Variants in ATXN7L1 observed in about 807,000 individuals in gnomAD.
The protein encoded by ATXN7L1 is ataxin 7 like 1.
A neutral mutation model predicts 70.8 loss-of-function variants in ATXN7L1; 15 were observed. The ratio of observed to expected loss-of-function variants is 0.21; its 90% CI spans 0.14 to 0.33. The LOEUF is 0.33. Among genes scored for constraint, ATXN7L1 ranks in the 10% least tolerant of loss-of-function variants. The pLI, the probability that ATXN7L1 is intolerant of heterozygous loss-of-function variation, is 1.00. For synonymous variants in ATXN7L1, 440 were observed against 445.1 expected (o/e 0.99, Z 0.14); for missense variants, 975 against 1,097.1 (o/e 0.89, Z 1.57).
At chr7:105,824,855 C>A (rs1810636956) in intron 2 of ATXN7L1, among the ~76,000 whole-genome samples, 1 of 149,382 alleles carries the variant, frequency 6.7e-6, no homozygotes, top group Non-Finnish European at 1.5e-5. Flanking sequence ...GCAGGGCTTG[C>A]AGTGAGCTGA....
At position 105,665,248 on chromosome 7, in the gene ATXN7L1, T is replaced by C. The variant is rs1221316638; in HGVS notation, c.396A>G (p.Pro132=). ...TCCTGGGATTGGAGGCTGGAGACACTGGAGAGGGAGAAGGTCTACACATTG... is the reference window on the plus strand; with the variant it reads ...TCCTGGGATTGGAGGCTGGAGACACCGGAGAGGGAGAAGGTCTACACATTG... ...HGSMCRPSPS[P]VSPASNPRTS... The change falls in exon 4 of 12, where the codon CCA becomes CCG. Residue 132 remains proline, a synonymous_variant. Coordinates refer to ENST00000419735, the MANE Select transcript of ATXN7L1 (RefSeq NM_020725.2). 3.2e-6 allele frequency: 5 copies of C among 1,551,472 alleles called. No individual in the cohort carries two copies. The highest frequency in any genetic ancestry group is 4.4e-6 in the Non-Finnish European group (5 of 1,146,984).
chr7:105,865,726 G>C (rs998467683), intron 2 of ATXN7L1, among the ~76,000 whole-genome samples: 2 of 152,006 alleles, frequency 1.3e-5, no homozygotes, highest in African/African-American at 4.8e-5. Flanking sequence ...TTATGTGTAC[G>C]GTTAGTTCTG....
In ATXN7L1 at chr7:105,703,323, A is replaced by C. The variant is rs571813415; in HGVS notation, c.356-38035T>G. 3.0e-4 allele frequency among the ~76,000 whole-genome samples: 44 copies of C among 147,170 alleles called. 1 individual carries two copies. Among genetic ancestry groups the C allele is most frequent in the Non-Finnish European group, 5.5e-4 (37 of 67,148 alleles). Reference sequence around the variant, plus strand: ...TCCGTCTCAAAAAAAAAAAAAAAGCACTTAAGTATAACTTGTATTTTATTG... The same window carrying C: ...TCCGTCTCAAAAAAAAAAAAAAAGCCCTTAAGTATAACTTGTATTTTATTG... On this transcript the variant is annotated intron_variant, in intron 3 of 11. Transcript: ENST00000419735.
At chr7:105,858,351 C>A (rs1816043380) in intron 2 of ATXN7L1, among the ~76,000 whole-genome samples, 1 of 152,172 alleles carries the variant, frequency 6.6e-6, no homozygotes, top group African/African-American at 2.4e-5. Flanking sequence ...AATAGTTCAT[C>A]CCCTGTTGAT....
At chr7:105,663,345 C>T (rs143537047) in intron 4 of ATXN7L1, among the ~76,000 whole-genome samples, 1 of 152,316 alleles carries the variant, frequency 6.6e-6, no homozygotes, top group African/African-American at 2.4e-5. Context: ...TACACCTTTC[C>T]ACTCCATCAC....
chr7:105,620,444 G>A (rs972524579), intron 8 of ATXN7L1, 123 bp from the exon 9 acceptor site: 29 of 1,042,412 alleles, frequency 2.8e-5, no homozygotes, highest in African/African-American at 9.8e-5. Flanking sequence ...GAAGCAAACC[G>A]TACTGAAGCC....
intron 2 of ATXN7L1, among the ~76,000 whole-genome samples, chr7:105,837,809 G>A (rs576045259): frequency 1.3e-5 from 2 of 152,264 alleles, no homozygotes; most frequent in South Asian, 4.2e-4. Flanking sequence ...TGGCGAGCCC[G>A]ATGCCAACAG....
At chr7:105,641,390 G>A (rs1032086743) in intron 5 of ATXN7L1, among the ~76,000 whole-genome samples, 1 of 151,344 alleles carries the variant, frequency 6.6e-6, no homozygotes, top group Non-Finnish European at 1.5e-5. Flanking sequence ...GCCTCATGTC[G>A]ACCTGGAGCT....
intron 9 of ATXN7L1, among the ~76,000 whole-genome samples, chr7:105,619,512 ATATATATATATATATATATTTTTTTTT>A (rs1794521149): frequency 1.4e-4 from 2 of 14,718 alleles, no homozygotes; most frequent in Non-Finnish European, 2.4e-4. Context: ...ATATATATAT[ATATATATATATATATATATTTTTTTTT>A]TTTTTTTTTT....
At chr7:105,724,277 A>G (rs1466057344) in intron 3 of ATXN7L1, among the ~76,000 whole-genome samples, 1 of 152,206 alleles carries the variant, frequency 6.6e-6, no homozygotes, top group Non-Finnish European at 1.5e-5. Context: ...CTGTTTAATC[A>G]GAAATGGAAA....
chr7:105,730,878 T>C (rs897381270), intron 3 of ATXN7L1, among the ~76,000 whole-genome samples: 3 of 152,116 alleles, frequency 2.0e-5, no homozygotes, highest in Admixed American at 6.5e-5. Context: ...AATAATAATG[T>C]GTTAATATTG....
chr7:105,856,301 T>A (rs914897999), intron 2 of ATXN7L1, among the ~76,000 whole-genome samples: 1 of 152,184 alleles, frequency 6.6e-6, no homozygotes, highest in African/African-American at 2.4e-5. Context: ...AAAAAAGAAT[T>A]TAGGCTGGGC....
At chr7:105,798,815 G>A (rs1455551139) in intron 2 of ATXN7L1, among the ~76,000 whole-genome samples, 2 of 152,202 alleles carry the variant, frequency 1.3e-5, no homozygotes, top group Non-Finnish European at 2.9e-5. Flanking sequence ...CACATGCTGA[G>A]AGGCTTTTCT....
chr7:105,819,648 A>G, intron 2 of ATXN7L1: 4 of 912,012 alleles, frequency 4.4e-6, no homozygotes, highest in Non-Finnish European at 7.2e-6. Context: ...ATACAAGTTG[A>G]AGTACCTGGT....
chr7:105,722,012 G>A (rs903400092), intron 3 of ATXN7L1, among the ~76,000 whole-genome samples: 2 of 152,260 alleles, frequency 1.3e-5, no homozygotes, highest in African/African-American at 4.8e-5. Flanking sequence ...GTGAGTGAGT[G>A]TGTGTATGCG....
chr7:105,775,240 C>T (rs1028214558), intron 3 of ATXN7L1, among the ~76,000 whole-genome samples: 9 of 152,160 alleles, frequency 5.9e-5, no homozygotes, highest in African/African-American at 1.4e-4. Flanking sequence ...CGGTATTCCC[C>T]GATTCTAGGA....
At chr7:105,726,016 C>T (rs1288937862) in intron 3 of ATXN7L1, among the ~76,000 whole-genome samples, 1 of 149,920 alleles carries the variant, frequency 6.7e-6, no homozygotes, top group Non-Finnish European at 1.5e-5. Flanking sequence ...ATTCTTGTGT[C>T]CCAGCCTCCT....
At chr7:105,698,569 G>A (rs981030199) in intron 3 of ATXN7L1, among the ~76,000 whole-genome samples, 4 of 152,070 alleles carry the variant, frequency 2.6e-5, no homozygotes, top group East Asian at 1.9e-4. Flanking sequence ...TTGCCATGCC[G>A]CTCATGCTCG....
intron 2 of ATXN7L1, chr7:105,819,828 C>T: frequency 3.2e-6 from 2 of 627,822 alleles, no homozygotes; most frequent in South Asian, 1.4e-5. Context: ...CGCCCTATGA[C>T]ATGAAAAAGC....
Sources: gnomAD v4.1 joint callset for allele counts (sites outside exome capture counted in the v4.1 genomes callset) on GRCh38, gnomAD v4.1.1 for gene constraint, MANE v1.5 for transcripts, NCBI Gene and HGNC (gene_info 2026-07-23, HGNC 2026-07-21) for gene names.